GLIS3: variants seen among roughly 807,000 people sequenced by gnomAD.
GLIS3 encodes GLIS family zinc finger 3.
In GLIS3, 53 loss-of-function variants were observed where a neutral mutation model predicts 78.6. The ratio of observed to expected loss-of-function variants is 0.67; its 90% CI spans 0.54 to 0.85. The LOEUF (loss-of-function observed/expected upper bound fraction) is 0.85, where lower values mean the gene tolerates loss of function less well. Ranked by LOEUF, GLIS3 falls within the 40% of genes least tolerant of loss-of-function variation. GLIS3 has a pLI of 0.00. For missense variants in GLIS3, 1,703 were observed against 1,231.1 expected (o/e 1.38, Z -5.74); for synonymous variants, 684 against 509.9 (o/e 1.34, Z -4.60).
chr9:4,165,810 G>A (rs1260006729), intron 2 of GLIS3, among the ~76,000 whole-genome samples: 4 of 152,240 alleles, frequency 2.6e-5, no homozygotes, highest in Admixed American at 6.5e-5. Flanking sequence ...GTCTTCAATT[G>A]GGTGAGATTG....
intron 2 of GLIS3, among the ~76,000 whole-genome samples, chr9:4,198,328 A>G (rs779401511): frequency 2.0e-5 from 3 of 152,220 alleles, no homozygotes; most frequent in Non-Finnish European, 2.9e-5. Flanking sequence ...ATCTAATTCT[A>G]AAAATTGTAT....
the GLIS3 span, among the ~76,000 whole-genome samples, chr9:4,442,762 A>C: frequency 1.3e-5 from 2 of 152,156 alleles, no homozygotes; most frequent in African/African-American, 4.8e-5. Context: ...ACATGTTTAC[A>C]GTTATTAAAA....
the GLIS3 span, among the ~76,000 whole-genome samples, chr9:4,361,800 C>G: frequency 3.3e-5 from 5 of 152,176 alleles, no homozygotes; most frequent in African/African-American, 2.4e-5. Context: ...TCTTAAAACC[C>G]TAAATTTGGT....
At chr9:4,402,805 A>G in the GLIS3 span, among the ~76,000 whole-genome samples, 1 of 152,174 alleles carries the variant, frequency 6.6e-6, no homozygotes, top group Admixed American at 6.5e-5. Context: ...AAAACAAGGA[A>G]GCATGCCTAG....
chr9:4,226,787 G>A (rs562178707), intron 2 of GLIS3, among the ~76,000 whole-genome samples: 1 of 152,160 alleles, frequency 6.6e-6, no homozygotes, highest in East Asian at 1.9e-4. Flanking sequence ...TCACATAAGA[G>A]CTGTTGGTGA....
At chr9:4,232,620 A>G (rs966056817) in intron 2 of GLIS3, among the ~76,000 whole-genome samples, 12 of 152,188 alleles carry the variant, frequency 7.9e-5, no homozygotes, top group Non-Finnish European at 1.6e-4. Context: ...CCTAAACATT[A>G]TACCAGTACT....
At chr9:4,117,339 C>T (rs1236022336) in intron 4 of GLIS3, among the ~76,000 whole-genome samples, 2 of 152,192 alleles carry the variant, frequency 1.3e-5, no homozygotes, top group African/African-American at 2.4e-5. Context: ...ATCAAAACCA[C>T]TCTTCTCTCC....
At chr9:4,316,908 G>A (rs1196511082) in intron 2 of GLIS3, among the ~76,000 whole-genome samples, 2 of 152,220 alleles carry the variant, frequency 1.3e-5, no homozygotes, top group South Asian at 2.1e-4. Flanking sequence ...ACCATCATAG[G>A]AACTTAACTC....
At chr9:3,888,807 C>T (rs1013425652) in intron 7 of GLIS3, among the ~76,000 whole-genome samples, 3 of 152,156 alleles carry the variant, frequency 2.0e-5, no homozygotes, top group African/African-American at 7.2e-5. Flanking sequence ...TGAGTTTATG[C>T]CCATATACAA....
At chr9:4,177,103 G>C (rs971525287) in intron 2 of GLIS3, among the ~76,000 whole-genome samples, 1 of 152,072 alleles carries the variant, frequency 6.6e-6, no homozygotes, top group Admixed American at 6.6e-5. Context: ...CTTACCCACT[G>C]AGTGTTATCT....
At chr9:3,991,337 C>CAA (rs201856690) in intron 4 of GLIS3, among the ~76,000 whole-genome samples, 20 of 148,314 alleles carry the variant, frequency 1.3e-4, no homozygotes, top group African/African-American at 4.5e-4. Flanking sequence ...TACAAAAAAA[C>CAA]AAAAAAAAAG....
At chr9:4,322,928 T>G (rs1272845736) in intron 2 of GLIS3, among the ~76,000 whole-genome samples, 1 of 152,244 alleles carries the variant, frequency 6.6e-6, no homozygotes, top group East Asian at 1.9e-4. Context: ...AGATCCCATT[T>G]GTCCATTTTG....
chr9:4,385,807 A>AGAAAG, the GLIS3 span, among the ~76,000 whole-genome samples: 1 of 76,298 alleles, frequency 1.3e-5, no homozygotes, highest in African/African-American at 6.2e-5. Flanking sequence ...GAAAGAAAGA[A>AGAAAG]AGAAAAGAAA....
chr9:4,461,379 C>T, the GLIS3 span, among the ~76,000 whole-genome samples: 2 of 152,200 alleles, frequency 1.3e-5, no homozygotes, highest in Non-Finnish European at 2.9e-5. Flanking sequence ...ACCAATTCTT[C>T]TCACAGAGCC....
intron 4 of GLIS3, among the ~76,000 whole-genome samples, chr9:4,057,574 G>GA (rs1275494023): frequency 6.6e-6 from 1 of 150,798 alleles, no homozygotes; most frequent in Non-Finnish European, 1.5e-5. Context: ...ATTTGTCCTT[G>GA]AAAAAAAAGC....
At position 4,032,759 on chromosome 9, in the gene GLIS3, T is replaced by C. The variant is rs565582079; in HGVS notation, c.1710+85009A>G. Among the ~76,000 whole-genome samples the C allele has an allele frequency of 2.0e-3, 310 of 152,278 alleles. 2 individuals are homozygous for C. The highest frequency in any genetic ancestry group is 7.1e-3 in the African/African-American group (297 of 41,550). ...GTTTCTGCTTACCACATCCAACTTC[T>C]GTCACCAGGATGCCCCTGCCCCCAC... On this transcript the variant is annotated intron_variant, in intron 4 of 10. Transcript: ENST00000381971.
At chr9:4,258,795 C>G (rs919203521) in intron 2 of GLIS3, among the ~76,000 whole-genome samples, 1 of 152,156 alleles carries the variant, frequency 6.6e-6, no homozygotes, top group Admixed American at 6.5e-5. Flanking sequence ...TTGAAGCTAC[C>G]TGGAAACAAA....
At chr9:4,097,448 T>G (rs1830046760) in intron 4 of GLIS3, among the ~76,000 whole-genome samples, 1 of 151,954 alleles carries the variant, frequency 6.6e-6, no homozygotes. Flanking sequence ...GTCTTCTCAC[T>G]CTATCCTAGA....
chr9:3,873,711 T>C (rs1310823607), intron 8 of GLIS3, among the ~76,000 whole-genome samples: 3 of 152,186 alleles, frequency 2.0e-5, no homozygotes, highest in Non-Finnish European at 1.5e-5. Flanking sequence ...AAGTTACTTA[T>C]GCAAATTACT....
Sources: gnomAD v4.1 joint callset for allele counts (sites outside exome capture counted in the v4.1 genomes callset) on GRCh38, gnomAD v4.1.1 for gene constraint, MANE v1.5 for transcripts, NCBI Gene and HGNC (gene_info 2026-07-23, HGNC 2026-07-21) for gene names.